MLC1: variants seen among roughly 807,000 people sequenced by gnomAD.
The protein encoded by MLC1 is modulator of VRAC current 1, also known as membrane protein MLC1.
Under a neutral mutation model 44.7 loss-of-function variants are expected in MLC1, and 32 were observed. That is an observed-to-expected ratio of 0.72 (90% CI 0.54 to 0.96). MLC1 has a LOEUF of 0.96. Ranked by LOEUF, MLC1 falls within the 40% of genes least tolerant of loss-of-function variation. The probability of loss-of-function intolerance (pLI) is 0.00; values close to 1 mark genes in which losing one functional copy is unlikely to be tolerated. For missense variants in MLC1, 459 were observed against 492.2 expected (o/e 0.93, Z 0.64); for synonymous variants, 190 against 213.0 (o/e 0.89, Z 0.94).
intron 5 of MLC1, among the ~76,000 whole-genome samples, chr22:50,078,021 G>A (rs1375938551): frequency 7.0e-5 from 10 of 143,754 alleles, no homozygotes; most frequent in South Asian, 2.2e-4. Context: ...ACGGAGGTTC[G>A]CTCTTGTTGC....
intron 10 of MLC1, 135 bp downstream of exon 10, chr22:50,068,298 G>T (rs1454437428): frequency 1.5e-6 from 2 of 1,326,172 alleles, no homozygotes; most frequent in Non-Finnish European, 2.1e-6. Context: ...CGCTGCCCAG[G>T]AACAGCGGAG....
chr22:50,067,470 A>C (rs1601988275), intron 10 of MLC1, among the ~76,000 whole-genome samples: 1 of 65,740 alleles, frequency 1.5e-5, no homozygotes, highest in Non-Finnish European at 2.8e-5. Context: ...CAGTGACTCC[A>C]TCCCCCCATC....
At chr22:50,066,827 A>G (rs1010930520) in intron 10 of MLC1, among the ~76,000 whole-genome samples, 3 of 152,134 alleles carry the variant, frequency 2.0e-5, no homozygotes, top group Non-Finnish European at 4.4e-5. Flanking sequence ...TTTGAACCAC[A>G]TAAATATTTT....
At chr22:50,085,131 A>G (rs2062249978) in intron 1 of MLC1, 170 bp from the exon 2 acceptor site, 7 of 1,411,426 alleles carry the variant, frequency 5.0e-6, no homozygotes, top group East Asian at 2.7e-5. Context: ...TTTCCTAGAA[A>G]AACGGACCTG....
intron 7 of MLC1, 153 bp from the exon 8 acceptor site, chr22:50,074,485 C>T: frequency 1.4e-6 from 1 of 704,976 alleles, no homozygotes; most frequent in Admixed American, 2.0e-5. Context: ...GGACCCCCAG[C>T]CTCACCTGGC....
In MLC1 at chr22:50,061,618, C is replaced by A. The variant is rs765064183; in HGVS notation, c.1099G>T (p.Ala367Ser). The A allele has an allele frequency of 4.3e-6, 7 of 1,613,874 alleles. No individual in the cohort carries two copies. Among genetic ancestry groups the A allele is most frequent in the Non-Finnish European group, 5.9e-6 (7 of 1,180,006 alleles). The change falls in exon 12 of 12, where the codon GCC (alanine) becomes TCC (serine). Residue 367 changes from alanine to serine, a missense_variant. Transcript: ENST00000311597. ...SPLKEFDKEK[A>S]WRAVVVQMAQ ...ATTTGCACCACGACGGCTCTCCAGG[C>A]TTTCTCCTTGTCGAACTCCTTCAGG...
In MLC1 at chr22:50,059,434, A is replaced by G. The variant is rs1332633378; in HGVS notation, c.*2149T>C. The stretch of plus-strand genomic sequence containing the variant: ...TTTATTGCTCAAGCGTATTAAACAA[A>G]AATGTAGACTGAAAGAGACAGTTCT... On this transcript the variant is annotated 3_prime_UTR_variant, in exon 12 of 12. Transcript: ENST00000311597. The G allele has an allele frequency of 6.6e-6, 1 of 152,408 alleles. No homozygotes were observed. Among genetic ancestry groups the G allele is most frequent in the Non-Finnish European group, 1.5e-5 (1 of 68,044 alleles). The allele number at this position is 152,408 out of a possible 1,614,324, so 9.4% of individuals were successfully genotyped here.
intron 10 of MLC1, 131 bp from the exon 11 acceptor site, chr22:50,064,329 A>C: frequency 4.8e-6 from 5 of 1,033,226 alleles, no homozygotes; most frequent in Non-Finnish European, 7.2e-6. Context: ...AGTAACCCAA[A>C]CGCATTGCTA....
upstream of MLC1, chr22:50,085,532 G>A (rs1250315582): frequency 6.1e-6 from 1 of 163,112 alleles, no homozygotes; most frequent in African/African-American, 2.4e-5. Flanking sequence ...GTTTCGTGTT[G>A]GTTGTGTAAA....
chr22:50,071,985 C>A (rs1297885298), intron 8 of MLC1, among the ~76,000 whole-genome samples: 2 of 152,170 alleles, frequency 1.3e-5, no homozygotes, highest in Non-Finnish European at 2.9e-5. Context: ...TGAGGGGCTG[C>A]CAGTGCAAAG....
At chr22:50,085,302 C>T (rs1210205228) in intron 1 of MLC1, 53 bp downstream of exon 1, 10 of 776,872 alleles carry the variant, frequency 1.3e-5, no homozygotes, top group East Asian at 7.0e-5. Flanking sequence ...GGTAGCTAAA[C>T]GAGAGATTGC....
At chr22:50,068,597 G>A (rs1410475058) in intron 9 of MLC1, 42 bp from the exon 10 acceptor site, 2 of 1,605,624 alleles carry the variant, frequency 1.2e-6, no homozygotes, top group Non-Finnish European at 1.7e-6. Flanking sequence ...GCCGGAGCCT[G>A]GGAGCCCAGG....
chr22:50,074,578 C>G, intron 7 of MLC1: 1 of 518,674 alleles, frequency 1.9e-6, no homozygotes, highest in Non-Finnish European at 3.5e-6. Context: ...CCCACTGCTG[C>G]TTTTGTCCAC....
In MLC1 at chr22:50,061,605, A is replaced by G. The variant is rs985607951; in HGVS notation, c.1112T>C (p.Val371Ala). ...EFDKEKAWRA[V>A]VVQMAQ ...GGGTCACTGGGCCATTTGCACCACG[A>G]CGGCTCTCCAGGCTTTCTCCTTGTC... Residue 371 changes from valine (V) to alanine (A), a missense_variant, in exon 12 of 12, where the codon GTC becomes GCC. Physicochemically the swap from Val to Ala is moderately conservative, Grantham distance 64 (BLOSUM62 0). Coordinates refer to ENST00000311597, the MANE Select transcript of MLC1 (RefSeq NM_015166.4). The G allele has an allele frequency of 3.1e-6, 5 of 1,613,534 alleles. No homozygotes were observed. Among genetic ancestry groups the G allele is most frequent in the Non-Finnish European group, 4.2e-6 (5 of 1,179,974 alleles).
rs781203831 is a variant in MLC1, at chr22:50,083,209, G to A, written c.178-36C>T. 12 of 1,573,920 alleles carry A rather than the reference G, an allele frequency of 7.6e-6. No homozygotes were observed. Among genetic ancestry groups the A allele is most frequent in the African/African-American group, 2.7e-5 (2 of 73,976 alleles). ...GCGACAGAATCCCAGGTTACAACGC[G>A]CCCCGTCCCCAGGCTGGACCCTGAC... On this transcript the variant is annotated intron_variant, in intron 2 of 11. Transcript: ENST00000311597. The surrounding 1 kb of genome is among the most constrained non-coding windows in gnomAD (Gnocchi z 4.6).
At chr22:50,065,982 A>G (rs1335726802) in intron 10 of MLC1, among the ~76,000 whole-genome samples, 2 of 152,244 alleles carry the variant, frequency 1.3e-5, no homozygotes. Flanking sequence ...GAAGGAATTC[A>G]GAAGAGCTCT....
In MLC1 at chr22:50,084,881, C is replaced by T; in HGVS notation, c.22G>A (p.Glu8Lys). The change falls in exon 2 of 12, where the codon GAG (glutamate) becomes AAG (lysine). Residue 8 changes from glutamate to lysine, a missense_variant. Physicochemically the swap from Glu to Lys is moderately conservative, Grantham distance 56. Transcript: ENST00000311597. ...GGCATCCGGTCATAGGCCAGCTCCT[C>T]TCTGAATGGCTCCTGGGTCATGGCA... MTQEPFR[E>K]ELAYDRMPTL... 1 of 1,612,614 alleles carries T rather than the reference C, an allele frequency of 6.2e-7. No individual in the cohort carries two copies. Among genetic ancestry groups the T allele is most frequent in the South Asian group, 1.1e-5 (1 of 91,086 alleles).
At chr22:50,081,906 G>A (rs1446957049) in intron 3 of MLC1, among the ~76,000 whole-genome samples, 2 of 152,270 alleles carry the variant, frequency 1.3e-5, no homozygotes, top group South Asian at 4.1e-4. Flanking sequence ...CTCCCATGGT[G>A]AGGATAAAGG....
intron 8 of MLC1, among the ~76,000 whole-genome samples, 161 bp from the exon 9 acceptor site, chr22:50,070,744 A>C (rs781471297): frequency 6.5e-4 from 99 of 152,240 alleles, no homozygotes; most frequent in Non-Finnish European, 1.2e-3. Context: ...CAGCTGGGGC[A>C]GGGACGGGTC....
Sources: allele counts gnomAD v4.1 joint callset (sites outside exome capture counted in the v4.1 genomes callset), GRCh38; gene constraint gnomAD v4.1.1; non-coding constraint Gnocchi (gnomAD v3.1); transcripts MANE v1.5; gene names NCBI Gene and HGNC (gene_info 2026-07-23, HGNC 2026-07-21).